HSPA12A: variants seen among roughly 807,000 people sequenced by gnomAD.
HSPA12A encodes the protein heat shock protein family A (Hsp70) member 12A.
Under a neutral mutation model 69.2 loss-of-function variants are expected in HSPA12A, and 28 were observed. The ratio of observed to expected loss-of-function variants is 0.40; its 90% confidence interval spans 0.30 to 0.55. The LOEUF (loss-of-function observed/expected upper bound fraction) is 0.55. Among genes scored for constraint, HSPA12A ranks in the 20% least tolerant of loss-of-function variants. HSPA12A has a pLI of 0.38. For synonymous variants in HSPA12A, 345 were observed against 370.5 expected (o/e 0.93, Z 0.79); for missense variants, 686 against 900.7 (o/e 0.76, Z 3.05).
chr10:116,806,654 T>A (rs981838837), intron 2 of HSPA12A, among the ~76,000 whole-genome samples: 3 of 152,304 alleles, frequency 2.0e-5, no homozygotes, highest in Admixed American at 6.5e-5. Context: ...AGGATCAGTA[T>A]CTACTTAAAG....
At chr10:116,739,684 C>T (rs966561584) in intron 1 of HSPA12A, among the ~76,000 whole-genome samples, 1 of 152,182 alleles carries the variant, frequency 6.6e-6, no homozygotes, top group Non-Finnish European at 1.5e-5. Flanking sequence ...TGAAGGTCAT[C>T]TCAAATTTTG....
chr10:116,742,366 C>G (rs1196923292), intron 1 of HSPA12A, 64 bp downstream of exon 1: 1 of 1,406,226 alleles, frequency 7.1e-7, no homozygotes, highest in East Asian at 3.3e-5. Context: ...AGCGTTGGGC[C>G]AAGCGCGCCT....
chr10:116,811,807 G>A (rs528587572), intron 2 of HSPA12A, among the ~76,000 whole-genome samples: 54 of 152,214 alleles, frequency 3.5e-4, no homozygotes, highest in Non-Finnish European at 5.0e-4. Flanking sequence ...ACCCCTACCC[G>A]GTAGGTTTGT....
At chr10:116,826,644 C>T (rs1038989236) in intron 2 of HSPA12A, among the ~76,000 whole-genome samples, 1 of 152,162 alleles carries the variant, frequency 6.6e-6, no homozygotes, top group African/African-American at 2.4e-5. Flanking sequence ...TCCTAAAAAG[C>T]AGATAAATAA....
At position 116,775,938 on chromosome 10, in the gene HSPA12A, G is replaced by A. The variant is rs537993710; in HGVS notation, c.91+58997C>T. ...TGACTCCACCAGGGACTAGACTGGG[G>A]GCAGCTGAGTGCCATAAAAGAAGTT... is the stretch of plus-strand genomic sequence containing the variant. On this transcript the variant is annotated intron_variant, in intron 2 of 12. Transcript: ENST00000635765. Among the ~76,000 whole-genome samples, 159 of 152,296 alleles carry A rather than the reference G, an allele frequency of 1.0e-3. 1 individual carries two copies. The highest frequency in any genetic ancestry group is 3.8e-3 in the African/African-American group (158 of 41,564).
chr10:116,720,369 C>G (rs552709152), intron 1 of HSPA12A, among the ~76,000 whole-genome samples: 151 of 152,340 alleles, frequency 9.9e-4, no homozygotes, highest in African/African-American at 3.5e-3. Context: ...CCAACTGGGG[C>G]TGGGGCAAGA....
chr10:116,705,374 C>G, intron 2 of HSPA12A, 96 bp from the exon 3 acceptor site: 3 of 1,361,404 alleles, frequency 2.2e-6, no homozygotes, highest in Non-Finnish European at 3.1e-6. Flanking sequence ...AGCTGTGAAC[C>G]CCCTGCAGAC....
chr10:116,770,686 T>C (rs1300723019), intron 2 of HSPA12A, among the ~76,000 whole-genome samples: 1 of 152,116 alleles, frequency 6.6e-6, no homozygotes, highest in Non-Finnish European at 1.5e-5. Flanking sequence ...GCTGCCGGGT[T>C]GTCCCCACCA....
chr10:116,749,758 G>A (rs141581940), intron 2 of HSPA12A: 1 of 152,414 alleles, frequency 6.6e-6, no homozygotes, highest in East Asian at 1.9e-4. Flanking sequence ...AAAACCAAAG[G>A]TCCAGTGAGA....
At chr10:116,823,536 TG>T (rs1845443907) in intron 2 of HSPA12A, among the ~76,000 whole-genome samples, 1 of 152,208 alleles carries the variant, frequency 6.6e-6, no homozygotes, top group Non-Finnish European at 1.5e-5. Flanking sequence ...GTGTGGTACT[TG>T]TATAGGGCTA....
intron 2 of HSPA12A, chr10:116,751,376 G>C (rs938438016): frequency 1.9e-5 from 3 of 154,412 alleles, no homozygotes; most frequent in African/African-American, 7.2e-5. Flanking sequence ...TGTACATTTT[G>C]CATGTACATA....
At chr10:116,741,241 G>T (rs1435274938) in intron 1 of HSPA12A, among the ~76,000 whole-genome samples, 1 of 152,236 alleles carries the variant, frequency 6.6e-6, no homozygotes, top group Non-Finnish European at 1.5e-5. Context: ...GTGGGGGCAG[G>T]TGCGGCTTGG....
chr10:116,724,651 C>T (rs897797503), intron 1 of HSPA12A, among the ~76,000 whole-genome samples: 2 of 152,218 alleles, frequency 1.3e-5, no homozygotes, highest in African/African-American at 4.8e-5. Context: ...ATAGTAAACA[C>T]GTAAGTCTTC....
chr10:116,688,969 C>T (rs1849656931), intron 6 of HSPA12A, among the ~76,000 whole-genome samples: 3 of 152,174 alleles, frequency 2.0e-5, no homozygotes. Flanking sequence ...CTTAAAGGGT[C>T]TAAAGATGGC....
At chr10:116,777,820 T>C (rs1844375307) in intron 2 of HSPA12A, among the ~76,000 whole-genome samples, 1 of 152,212 alleles carries the variant, frequency 6.6e-6, no homozygotes, top group Non-Finnish European at 1.5e-5. Flanking sequence ...CTCCACCTCC[T>C]GGGTTCAAGC....
At chr10:116,736,380 A>T (rs1262190239) in intron 1 of HSPA12A, among the ~76,000 whole-genome samples, 1 of 152,174 alleles carries the variant, frequency 6.6e-6, no homozygotes, top group Non-Finnish European at 1.5e-5. Flanking sequence ...AGGGACACAG[A>T]AGACTCTCCA....
chr10:116,695,452 G>A (rs1326976748), intron 5 of HSPA12A, among the ~76,000 whole-genome samples: 5 of 152,046 alleles, frequency 3.3e-5, no homozygotes, highest in African/African-American at 1.2e-4. Flanking sequence ...GAGTGGCCAA[G>A]GTGGGCGGAT....
chr10:116,706,783 T>C (rs1850265434), intron 2 of HSPA12A, among the ~76,000 whole-genome samples: 1 of 152,196 alleles, frequency 6.6e-6, no homozygotes, highest in African/African-American at 2.4e-5. Context: ...GCTAGGGTCT[T>C]TTCGATACTG....
At chr10:116,736,903 T>C (rs1851334796) in intron 1 of HSPA12A, among the ~76,000 whole-genome samples, 1 of 152,206 alleles carries the variant, frequency 6.6e-6, no homozygotes, top group Non-Finnish European at 1.5e-5. Context: ...AGGAAACAAA[T>C]GTACTGGATA....
Sources: allele counts gnomAD v4.1 joint callset (sites outside exome capture counted in the v4.1 genomes callset), GRCh38; gene constraint gnomAD v4.1.1; transcripts MANE v1.5; gene names NCBI Gene and HGNC (gene_info 2026-07-23, HGNC 2026-07-21).